The following GLRA3 variants were observed in gnomAD, a reference collection of about 807,000 sequenced individuals.
The protein encoded by GLRA3 is glycine receptor subunit alpha-3.
In GLRA3, 44 loss-of-function variants were observed where a neutral mutation model predicts 60.4. The observed-to-expected ratio is 0.73, with a 90% CI of 0.57 to 0.94. The LOEUF is 0.94. Ranked by LOEUF, GLRA3 falls within the 40% of genes least tolerant of loss-of-function variation. The pLI is 0.00. For synonymous variants in GLRA3, 223 were observed against 192.9 expected, an observed-to-expected ratio of 1.16 and a Z score of -1.29; for missense variants, 508 against 564.6, an observed-to-expected ratio of 0.90 and a Z score of 1.02.
intron 1 of GLRA3, among the ~76,000 whole-genome samples, chr4:174,802,364 A>G (rs563948836): frequency 6.6e-6 from 1 of 152,176 alleles, no homozygotes; most frequent in South Asian, 2.1e-4. Flanking sequence ...GTTCTCCCAG[A>G]TAGTATCAAG....
At chr4:174,689,756 TAAAAAAAAAAAAAAAAAAAA>T (rs553306775) in intron 5 of GLRA3, among the ~76,000 whole-genome samples, 1 of 39,514 alleles carries the variant, frequency 2.5e-5, no homozygotes, top group East Asian at 8.2e-4. Context: ...TAAGTCGCAT[TAAAAAAAAAAAAAAAAAAAA>T]AAAAAAAAAG....
chr4:174,742,251 ATTAAG>A (rs1371981741), intron 3 of GLRA3, among the ~76,000 whole-genome samples: 1 of 152,154 alleles, frequency 6.6e-6, no homozygotes, highest in Non-Finnish European at 1.5e-5. Flanking sequence ...GACTCACCTA[ATTAAG>A]TTGAGGGTAA....
chr4:174,755,803 T>A (rs988895752), intron 3 of GLRA3, among the ~76,000 whole-genome samples: 9 of 152,070 alleles, frequency 5.9e-5, no homozygotes, highest in African/African-American at 1.9e-4. Context: ...AAAAACGAAC[T>A]ATTATTATTC....
At chr4:174,680,562 A>G (rs55780848) in intron 6 of GLRA3, among the ~76,000 whole-genome samples, 23,791 of 152,114 alleles carry the variant, frequency 0.16, 2,016 homozygotes, top group East Asian at 0.22. Context: ...TGCAGAAGGA[A>G]GAGCAAGAGC....
At chr4:174,712,730 C>A (rs1735757750) in intron 5 of GLRA3, 1 of 151,878 alleles carries the variant, frequency 6.6e-6, no homozygotes, top group Non-Finnish European at 1.5e-5. Flanking sequence ...GTAGGTTAAA[C>A]TCTTTTTGCC....
rs140777768 is a variant in GLRA3 at position 174,813,739 on chromosome 4, C to G, written c.71+15002G>C. Among the ~76,000 whole-genome samples, 68 of 152,276 alleles carry G rather than the reference C, an allele frequency of 4.5e-4. 1 individual carries two copies. The East Asian group carries it at 0.012, about 27-fold the overall frequency. ...ACTTAGCCCTTTTCTGATTTAAAAT[C>G]TATCCTTCAACTATTGCTATTAAAA... is the stretch of plus-strand genomic sequence containing the variant. On this transcript the variant is annotated intron_variant, in intron 1 of 9. Coordinates refer to ENST00000274093, the MANE Select transcript of GLRA3 (RefSeq NM_006529.4).
chr4:174,802,581 C>T (rs1739858228), intron 1 of GLRA3, among the ~76,000 whole-genome samples: 1 of 151,992 alleles, frequency 6.6e-6, no homozygotes, highest in Admixed American at 6.6e-5. Context: ...TGAAACTAAT[C>T]TCCTGTCTCC....
chr4:174,677,333 G>A (rs1386648019), intron 6 of GLRA3, 41 bp from the exon 7 acceptor site: 1 of 1,136,786 alleles, frequency 8.8e-7, no homozygotes, highest in African/African-American at 1.5e-5. Flanking sequence ...AGTACAAATA[G>A]GTCTTTGTTA....
intron 2 of GLRA3, among the ~76,000 whole-genome samples, chr4:174,772,099 C>G (rs1035032425): frequency 1.3e-5 from 2 of 152,146 alleles, no homozygotes; most frequent in African/African-American, 4.8e-5. Flanking sequence ...GCTGACATCC[C>G]TGGTTGACCA....
intron 3 of GLRA3, among the ~76,000 whole-genome samples, chr4:174,766,272 CA>C (rs1236761204): frequency 2.0e-5 from 3 of 151,154 alleles, no homozygotes; most frequent in South Asian, 2.1e-4. Flanking sequence ...TATACAGTTT[CA>C]AAAAAAATAA....
rs189734111 is a variant in GLRA3, at chr4:174,817,899, G to A, written c.71+10842C>T. ...TGGGATTACAGGTGTGAGCCAGTGC[G>A]CCTGACCAAGGTTACCAATATTTAA... On this transcript the variant is annotated intron_variant, in intron 1 of 9. Transcript: ENST00000274093. Among the ~76,000 whole-genome samples, 16 of 152,200 alleles carry A rather than the reference G, an allele frequency of 1.1e-4. No individual in the cohort carries two copies. In the East Asian group the frequency reaches 1.4e-3, roughly 13 times the overall value.
Position 174,640,414 on chromosome 4 carries a change from G to A in GLRA3, c.*3372C>T, listed in dbSNP as rs1237622578. 1 of 151,958 alleles carries A rather than the reference G, an allele frequency of 6.6e-6. No individual in the cohort carries two copies. The highest frequency in any genetic ancestry group is 6.6e-5 in the Admixed American group (1 of 15,234). 9.4% of individuals were successfully genotyped at this position (151,958 alleles called of 1,614,324 possible). A position where few individuals can be genotyped will look rare whatever the true frequency, so the allele number is the denominator to read the frequency against. ...ACTTTATAGATGAAATAAAAATTTA[G>A]CTGCCAGTATAATATTCAGTCCTCC... On this transcript the variant is annotated 3_prime_UTR_variant, in exon 10 of 10. Transcript: ENST00000274093.
intron 3 of GLRA3, among the ~76,000 whole-genome samples, chr4:174,732,157 C>T (rs1736573540): frequency 6.6e-6 from 1 of 152,100 alleles, no homozygotes; most frequent in South Asian, 2.1e-4. Context: ...GAGACAGAGA[C>T]CATCCTGGCC....
chr4:174,725,163 CA>C (rs1275112184), intron 4 of GLRA3, among the ~76,000 whole-genome samples: 3 of 152,184 alleles, frequency 2.0e-5, no homozygotes, highest in Non-Finnish European at 4.4e-5. Flanking sequence ...GTTGTAATCT[CA>C]CAGATCCCTG....
At chr4:174,676,658 A>G (rs953464477) in intron 7 of GLRA3, among the ~76,000 whole-genome samples, 1 of 152,130 alleles carries the variant, frequency 6.6e-6, no homozygotes, top group African/African-American at 2.4e-5. Context: ...ATTCATATAT[A>G]TAACATTTAT....
chr4:174,725,585 A>T (rs373920443), intron 4 of GLRA3, among the ~76,000 whole-genome samples: 1 of 152,016 alleles, frequency 6.6e-6, no homozygotes, highest in Non-Finnish European at 1.5e-5. Context: ...GGCTCAAGAG[A>T]TCCTCCCACC....
chr4:174,802,570 G>T (rs1430317078), intron 1 of GLRA3, among the ~76,000 whole-genome samples: 4 of 152,076 alleles, frequency 2.6e-5, no homozygotes, highest in African/African-American at 7.2e-5. Context: ...TGGAGAGGAG[G>T]TGAAACTAAT....
At chr4:174,824,227 A>G (rs1740865254) in intron 1 of GLRA3, among the ~76,000 whole-genome samples, 1 of 152,204 alleles carries the variant, frequency 6.6e-6, no homozygotes, top group Non-Finnish European at 1.5e-5. Context: ...TTAAGAAACT[A>G]TATTTTGAAG....
intron 1 of GLRA3, among the ~76,000 whole-genome samples, chr4:174,827,482 T>C (rs1194140747): frequency 6.6e-6 from 1 of 151,710 alleles, no homozygotes; most frequent in Non-Finnish European, 1.5e-5. Context: ...AAGTTTGTAC[T>C]CCTTTACATA....
Sources: gnomAD v4.1 joint callset for allele counts (sites outside exome capture counted in the v4.1 genomes callset) on GRCh38, gnomAD v4.1.1 for gene constraint, MANE v1.5 for transcripts, NCBI Gene and HGNC (gene_info 2026-07-23, HGNC 2026-07-21) for gene names.